Variants in LINGO1 observed in about 807,000 individuals in gnomAD.
LINGO1 encodes the protein leucine-rich repeat and immunoglobulin-like domain-containing nogo receptor-interacting protein 1.
Under a neutral mutation model 37.3 loss-of-function variants are expected in LINGO1, and 11 were observed. That is an observed-to-expected ratio of 0.29 (90% CI 0.19 to 0.49). The LOEUF (loss-of-function observed/expected upper bound fraction) is 0.49, where lower values mean the gene tolerates loss of function less well. LINGO1 is among the 20% of genes least tolerant of loss of function. The pLI, the probability that LINGO1 is intolerant of heterozygous loss-of-function variation, is 0.99. For synonymous variants in LINGO1, 387 were observed against 403.0 expected (o/e 0.96, Z 0.48); for missense variants, 585 against 878.2 (o/e 0.67, Z 4.22).
intron 1 of LINGO1, among the ~76,000 whole-genome samples, chr15:77,779,481 T>C (rs1004759304): frequency 6.6e-6 from 1 of 152,146 alleles, no homozygotes; most frequent in Admixed American, 6.5e-5. Context: ...TTGAGCTTTT[T>C]TTCCTGCAAC....
At chr15:77,698,745 G>A (rs571477052), upstream of LINGO1, among the ~76,000 whole-genome samples, 34 of 152,350 alleles carry the variant, frequency 2.2e-4, no homozygotes, top group South Asian at 7.0e-3. Flanking sequence ...GATCAGGAAT[G>A]GCAGGGCCAT....
At chr15:77,669,661 A>C (rs1308181492) in intron 3 of LINGO1, among the ~76,000 whole-genome samples, 1 of 152,190 alleles carries the variant, frequency 6.6e-6, no homozygotes, top group East Asian at 1.9e-4. Flanking sequence ...CCCATAGCCC[A>C]CTGTGTTCCT....
In LINGO1 at chr15:77,661,754, G is replaced by A. The variant is rs190097751; in HGVS notation, c.-13+15335C>T. 7.9e-5 allele frequency among the ~76,000 whole-genome samples: 12 copies of A among 152,254 alleles called. No individual in the cohort carries two copies. The East Asian group carries it at 9.7e-4, about 12-fold the overall frequency. On this transcript the variant is annotated intron_variant, in intron 3 of 3. Coordinates refer to the LINGO1 transcript ENST00000559893. Reference sequence around the variant, plus strand: ...CTTTTTCCCTCCTGCCCTTCCCAGCGGGGCCTGAGCAAACAGAGACAGCAT... The same window carrying A: ...CTTTTTCCCTCCTGCCCTTCCCAGCAGGGCCTGAGCAAACAGAGACAGCAT...
rs377401740 is a variant in LINGO1 at position 77,807,559 on chromosome 15, C to T, written c.-457-11506G>A. Reference sequence around the variant, plus strand: ...TGAGGCGCAAAGAGGCAAAAATGCCCTTTTCATGGGTGTTCCTGCCTCCCT... The same window carrying T: ...TGAGGCGCAAAGAGGCAAAAATGCCTTTTTCATGGGTGTTCCTGCCTCCCT... On this transcript the variant is annotated intron_variant, in intron 1 of 5. Coordinates refer to the LINGO1 transcript ENST00000562933. Among the ~76,000 whole-genome samples the T allele has an allele frequency of 1.1e-4, 17 of 152,232 alleles. No homozygotes were observed. The South Asian group carries it at 2.5e-3, about 22-fold the overall frequency.
chr15:77,625,859 C>T (rs945633946), intron 1 of LINGO1, among the ~76,000 whole-genome samples: 9 of 152,258 alleles, frequency 5.9e-5, no homozygotes, highest in African/African-American at 1.7e-4. Context: ...GAAGTGGGGA[C>T]GGCAGACTTC....
At chr15:77,796,499 A>G (rs1421302117) in intron 1 of LINGO1, among the ~76,000 whole-genome samples, 2 of 152,218 alleles carry the variant, frequency 1.3e-5, no homozygotes, top group African/African-American at 2.4e-5. Context: ...TGCTGGGAAG[A>G]TAAGAGAGAG....
At chr15:77,783,725 A>G (rs561025633) in intron 1 of LINGO1, among the ~76,000 whole-genome samples, 12 of 152,316 alleles carry the variant, frequency 7.9e-5, no homozygotes, top group South Asian at 2.1e-4. Context: ...TGTCTTATAG[A>G]GGAAGAAGCT....
chr15:77,693,457 A>G (rs961110083), intron 1 of LINGO1, among the ~76,000 whole-genome samples: 3 of 152,212 alleles, frequency 2.0e-5, no homozygotes, highest in African/African-American at 4.8e-5. Flanking sequence ...AAGCGGCCAT[A>G]TTGGAATTTA....
intron 1 of LINGO1, among the ~76,000 whole-genome samples, chr15:77,755,032 A>T (rs542117037): frequency 6.6e-6 from 1 of 152,298 alleles, no homozygotes; most frequent in Admixed American, 6.5e-5. Context: ...TCTGCCAGCC[A>T]CGTCTGTAGG....
At chr15:77,638,453 G>A (rs1004461427), upstream of LINGO1, among the ~76,000 whole-genome samples, 2 of 152,308 alleles carry the variant, frequency 1.3e-5, no homozygotes, top group East Asian at 3.9e-4. Flanking sequence ...GGCTCCATGG[G>A]AACTTGGGCT....
chr15:77,717,362 G>A (rs1326217286), intron 2 of LINGO1, among the ~76,000 whole-genome samples: 1 of 150,764 alleles, frequency 6.6e-6, no homozygotes, highest in African/African-American at 2.4e-5. Context: ...GCGGGCAGAG[G>A]TGGGGGTGGC....
chr15:77,648,054 C>G (rs1372918999), intron 3 of LINGO1: 1 of 397,054 alleles, frequency 2.5e-6, no homozygotes, highest in Non-Finnish European at 5.1e-6. Context: ...CAGACAGCAG[C>G]CACAGGGAGA....
chr15:77,704,246 G>C (rs1346215791), intron 2 of LINGO1, among the ~76,000 whole-genome samples: 1 of 152,150 alleles, frequency 6.6e-6, no homozygotes, highest in African/African-American at 2.4e-5. Context: ...AGGCCCCATG[G>C]GAGAGACAAG....
intron 1 of LINGO1, among the ~76,000 whole-genome samples, chr15:77,752,154 G>C (rs1438267961): frequency 6.6e-6 from 1 of 152,192 alleles, no homozygotes; most frequent in African/African-American, 2.4e-5. Context: ...GGGGACAGAA[G>C]GCCAAGGAGA....
chr15:77,683,976 T>C (rs1248376606), intron 2 of LINGO1, among the ~76,000 whole-genome samples: 2 of 152,126 alleles, frequency 1.3e-5, no homozygotes, highest in East Asian at 3.9e-4. Context: ...TTTCCAGCCT[T>C]ACCTTAAATC....
intron 1 of LINGO1, among the ~76,000 whole-genome samples, chr15:77,750,334 G>A (rs2076358385): frequency 6.6e-6 from 1 of 152,212 alleles, no homozygotes; most frequent in Non-Finnish European, 1.5e-5. Flanking sequence ...AGTAGAATTA[G>A]CAGGATTAAA....
At chr15:77,665,231 T>C (rs28742924) in intron 3 of LINGO1, among the ~76,000 whole-genome samples, 12,798 of 152,242 alleles carry the variant, frequency 0.084, 1,819 homozygotes, top group African/African-American at 0.29. Context: ...TCAAGGCCCC[T>C]TGCCCAACCC....
chr15:77,777,071 C>T (rs530995115), intron 1 of LINGO1, among the ~76,000 whole-genome samples: 2 of 152,192 alleles, frequency 1.3e-5, no homozygotes, highest in Admixed American at 6.5e-5. Flanking sequence ...CCTGCAGAGA[C>T]GACCCTCATT....
intron 3 of LINGO1, among the ~76,000 whole-genome samples, chr15:77,652,594 C>A (rs1223956956): frequency 6.6e-6 from 1 of 151,896 alleles, no homozygotes; most frequent in Non-Finnish European, 1.5e-5. Flanking sequence ...GTCTGTCACT[C>A]ACGCCCACTC....
Sources: allele counts gnomAD v4.1 joint callset (sites outside exome capture counted in the v4.1 genomes callset), GRCh38; gene constraint gnomAD v4.1.1; transcripts MANE v1.5; gene names NCBI Gene and HGNC (gene_info 2026-07-23, HGNC 2026-07-21).